MOB3B: variants seen among roughly 807,000 people sequenced by gnomAD.
MOB3B encodes MOB kinase activator 3B, also known as MOB kinase activator-like 2B.
A neutral mutation model predicts 18.7 loss-of-function variants in MOB3B; 7 were observed. The ratio of observed to expected loss-of-function variants is 0.37; its 90% CI spans 0.21 to 0.70. The LOEUF (loss-of-function observed/expected upper bound fraction) is 0.70. MOB3B is among the 30% of genes least tolerant of loss of function. The probability of loss-of-function intolerance (pLI) is 0.52; values close to 1 mark genes in which losing one functional copy is unlikely to be tolerated. For missense variants in MOB3B, 253 were observed against 281.3 expected (o/e 0.90, Z 0.72); for synonymous variants, 111 against 99.9 (o/e 1.11, Z -0.66).
chr9:27,474,690 A>G (rs956543281), intron 1 of MOB3B, among the ~76,000 whole-genome samples: 15 of 152,220 alleles, frequency 9.9e-5, no homozygotes, highest in Non-Finnish European at 2.2e-4. Context: ...AAAATCTGGA[A>G]AGGCTCTTTG....
At chr9:27,502,325 T>TA (rs1463356679) in intron 1 of MOB3B, among the ~76,000 whole-genome samples, 4 of 152,198 alleles carry the variant, frequency 2.6e-5, no homozygotes, top group African/African-American at 9.7e-5. Flanking sequence ...TAATTCCAAA[T>TA]ACCTCTTCCC....
intron 1 of MOB3B, among the ~76,000 whole-genome samples, chr9:27,509,519 C>T (rs767201044): frequency 3.9e-5 from 6 of 152,070 alleles, no homozygotes; most frequent in African/African-American, 7.2e-5. Flanking sequence ...TGGGTTCAAG[C>T]GATCCTCCCA....
chr9:27,482,428 T>A (rs936118900), intron 1 of MOB3B, among the ~76,000 whole-genome samples: 1 of 152,190 alleles, frequency 6.6e-6, no homozygotes, highest in East Asian at 1.9e-4. Context: ...AAAGGAATGC[T>A]CTGTGCCTAA....
At chr9:27,458,517 G>GTTTT (rs34061911) in intron 1 of MOB3B, among the ~76,000 whole-genome samples, 1 of 128,222 alleles carries the variant, frequency 7.8e-6, no homozygotes. Flanking sequence ...TTGAAGATAT[G>GTTTT]TTTTTTTTTT....
At chr9:27,361,029 A>C (rs1245462471) in intron 2 of MOB3B, among the ~76,000 whole-genome samples, 1 of 152,144 alleles carries the variant, frequency 6.6e-6, no homozygotes, top group African/African-American at 2.4e-5. Flanking sequence ...GAGTCTTTGA[A>C]GCCTGAGTCC....
In MOB3B at chr9:27,455,212, T is replaced by A; in HGVS notation, c.339A>T (p.Pro113=). 1 of 1,614,154 alleles carries A rather than the reference T, an allele frequency of 6.2e-7. No individual in the cohort carries two copies. Among genetic ancestry groups the A allele is most frequent in the South Asian group, 1.1e-5 (1 of 91,070 alleles). ...DLKYKKPTAL[P]APQYMNLLMD... is the part of the protein sequence containing the mutation. ...TAAGAAGGTTCATGTACTGGGGAGC[T>A]GGCAGCGCTGTTGGCTTCTTATACT... Residue 113 remains proline (P), a synonymous_variant, in exon 2 of 4, where the codon CCA becomes CCT. Coordinates refer to ENST00000262244, the MANE Select transcript of MOB3B (RefSeq NM_024761.5).
At chr9:27,467,510 A>G (rs187056365) in intron 1 of MOB3B, among the ~76,000 whole-genome samples, 408 of 152,374 alleles carry the variant, frequency 2.7e-3, no homozygotes, top group Non-Finnish European at 5.0e-3. Flanking sequence ...ACCTAAGCAC[A>G]TGACCCTCAA....
rs538592913 is a variant in MOB3B, at chr9:27,368,652, C to A, written c.419-9416G>T. ...GGCTACTACTCTGTTTTCCAACTCC[C>A]TCCCTCTGCCCCTCCCCAGCCCCTT... On this transcript the variant is annotated intron_variant, in intron 2 of 3. Transcript: ENST00000262244. 7.7e-4 allele frequency among the ~76,000 whole-genome samples: 118 copies of A among 152,318 alleles called. 1 individual carries two copies. The highest frequency in any genetic ancestry group is 2.8e-3 in the African/African-American group (116 of 41,566).
chr9:27,471,324 G>A (rs1268296515), intron 1 of MOB3B, among the ~76,000 whole-genome samples: 1 of 152,194 alleles, frequency 6.6e-6, no homozygotes, highest in Non-Finnish European at 1.5e-5. Flanking sequence ...AAGAATGGCA[G>A]AAAAAGTCCT....
intron 1 of MOB3B, among the ~76,000 whole-genome samples, chr9:27,461,719 T>C (rs1819290758): frequency 6.6e-6 from 1 of 152,252 alleles, no homozygotes; most frequent in Admixed American, 6.5e-5. Flanking sequence ...GCAGACATTC[T>C]AGCATCAAAT....
intron 2 of MOB3B, 139 bp from the exon 3 acceptor site, chr9:27,359,375 GTGT>G (rs1821239908): frequency 1.8e-5 from 9 of 514,222 alleles, no homozygotes; most frequent in Admixed American, 3.3e-5. Context: ...GAGTGTGTGT[GTGT>G]GGGGGGGGGG....
At chr9:27,393,119 G>C (rs1821751022) in intron 2 of MOB3B, among the ~76,000 whole-genome samples, 1 of 152,120 alleles carries the variant, frequency 6.6e-6, no homozygotes, top group African/African-American at 2.4e-5. Flanking sequence ...GGCTATTACT[G>C]ACTATCTGAA....
chr9:27,354,617 C>T (rs1821158147), intron 3 of MOB3B, among the ~76,000 whole-genome samples: 1 of 152,122 alleles, frequency 6.6e-6, no homozygotes, highest in Non-Finnish European at 1.5e-5. Context: ...AAGAGAGTGA[C>T]CAGTGTGTAA....
At position 27,325,611 on chromosome 9, in the gene MOB3B, A is replaced by G. The variant is rs899041587; in HGVS notation, c.*4976T>C. Reference sequence around the variant, plus strand: ...TATTTTTTAAGGCAGGAAAACAATCATTATTTCCAAACACACTTTGTTTGT... The same window carrying G: ...TATTTTTTAAGGCAGGAAAACAATCGTTATTTCCAAACACACTTTGTTTGT... On this transcript the variant is annotated 3_prime_UTR_variant, in exon 4 of 4. Coordinates refer to ENST00000262244, the MANE Select transcript of MOB3B (RefSeq NM_024761.5). The G allele has an allele frequency of 6.6e-6, 1 of 152,230 alleles. No homozygotes were observed. Among genetic ancestry groups the G allele is most frequent in the African/African-American group, 2.4e-5 (1 of 41,458 alleles). 9.4% of individuals were successfully genotyped at this position (152,230 alleles called of 1,614,324 possible). A position where few individuals can be genotyped will look rare whatever the true frequency, so the allele number is the denominator to read the frequency against.
chr9:27,522,776 A>G (rs901360211), intron 1 of MOB3B, among the ~76,000 whole-genome samples: 1 of 152,080 alleles, frequency 6.6e-6, no homozygotes, highest in African/African-American at 2.4e-5. Flanking sequence ...CCATATCACC[A>G]CTTTCCTCTC....
chr9:27,441,917 T>C (rs1220039249), intron 2 of MOB3B, among the ~76,000 whole-genome samples: 1 of 152,134 alleles, frequency 6.6e-6, no homozygotes, highest in Non-Finnish European at 1.5e-5. Flanking sequence ...CACATACTCA[T>C]GTCAGCCCTG....
intron 1 of MOB3B, among the ~76,000 whole-genome samples, chr9:27,483,173 CCCAGGCTGGAGTGT>C (rs1819687378): frequency 2.3e-5 from 3 of 128,936 alleles, no homozygotes; most frequent in Admixed American, 2.0e-4. Context: ...TGCTCTGTCG[CCCAGGCTGGAGTGT>C]AGTGGCGCCA....
chr9:27,358,944 T>G, intron 3 of MOB3B, 90 bp downstream of exon 3: 1 of 1,319,088 alleles, frequency 7.6e-7, no homozygotes, highest in Non-Finnish European at 1.1e-6. Flanking sequence ...TAGCCATCAA[T>G]GAGCATTTTC....
intron 2 of MOB3B, among the ~76,000 whole-genome samples, chr9:27,411,351 T>G (rs1484044915): frequency 6.6e-6 from 1 of 152,178 alleles, no homozygotes; most frequent in East Asian, 1.9e-4. Flanking sequence ...ATCTAGCAGG[T>G]GAATCAATGC....
Sources: gnomAD v4.1 joint callset for allele counts (sites outside exome capture counted in the v4.1 genomes callset) on GRCh38, gnomAD v4.1.1 for gene constraint, MANE v1.5 for transcripts, NCBI Gene and HGNC (gene_info 2026-07-23, HGNC 2026-07-21) for gene names.